NLRC3: variants seen among roughly 807,000 people sequenced by gnomAD.
NLRC3 encodes NLR family CARD domain-containing protein 3.
A neutral mutation model predicts 91.6 loss-of-function variants in NLRC3; 87 were observed. That is an observed-to-expected ratio of 0.95 (90% confidence interval 0.80 to 1.14). NLRC3 has a LOEUF of 1.14. Ranked by LOEUF, NLRC3 falls within the 50% of genes most tolerant of loss-of-function variation. NLRC3 has a pLI of 0.00. For missense variants in NLRC3, 1,577 were observed against 1,418.6 expected (o/e 1.11, Z -1.79); for synonymous variants, 694 against 625.3 (o/e 1.11, Z -1.64).
At chr16:3,545,832 T>G (rs2038664188) in intron 15 of NLRC3, 1 of 151,904 alleles carries the variant, frequency 6.6e-6, no homozygotes, top group African/African-American at 2.4e-5. Context: ...GGAAGCAGAT[T>G]TTAGGGGTCC....
chr16:3,576,126 C>G (rs1183862487), intron 1 of NLRC3, among the ~76,000 whole-genome samples: 1 of 152,178 alleles, frequency 6.6e-6, no homozygotes, highest in African/African-American at 2.4e-5. Flanking sequence ...AGCCTGCAGC[C>G]TGTGATGGCC....
rs1250028177 is a variant in NLRC3 at position 3,543,522 on chromosome 16, G to T, written c.2856-14C>A. On this transcript the variant is annotated splice_polypyrimidine_tract_variant and intron_variant, in intron 16 of 19. Transcript: ENST00000359128. ...GCCACCTGGAGACTGGGGCGGAGAGGGTGCCGTCAGTGTGAGCCGGCTGGG... is the reference window on the plus strand; with the variant it reads ...GCCACCTGGAGACTGGGGCGGAGAGTGTGCCGTCAGTGTGAGCCGGCTGGG... The T allele has an allele frequency of 6.2e-7, 1 of 1,605,184 alleles. No individual in the cohort carries two copies. The highest frequency in any genetic ancestry group is 1.3e-5 in the African/African-American group (1 of 74,890).
chr16:3,561,704 G>C lies in NLRC3; in HGVS notation c.2013C>G (p.Ile671Met). 1 of 1,609,956 alleles carries C rather than the reference G, an allele frequency of 6.2e-7. No homozygotes were observed. Among genetic ancestry groups the C allele is most frequent in the East Asian group, 2.2e-5 (1 of 44,850 alleles). ...GAGGTCCCCTGGGTCTGTGTTACCT[G>C]ATCTTCTGAATGCGACAGTCCTTCC... ...LSGKDCRIQKISLAENQISNK... is the reference protein window; with the variant it reads ...LSGKDCRIQKMSLAENQISNK... Residue 671 changes from isoleucine (I) to methionine (M), a missense_variant and splice_region_variant, in exon 6 of 20, where the codon ATC becomes ATG. Coordinates refer to ENST00000359128, the MANE Select transcript of NLRC3 (RefSeq NM_178844.4).
In NLRC3 at chr16:3,564,331, C is replaced by A; in HGVS notation, c.606G>T (p.Gly202=). 6.2e-7 allele frequency: 1 copy of A among 1,611,654 alleles called. No homozygotes were observed. The highest frequency in any genetic ancestry group is 8.5e-7 in the Non-Finnish European group (1 of 1,179,638). The change falls in exon 5 of 20, where the codon GGG becomes GGT. Residue 202 remains glycine (G), a synonymous_variant. Coordinates refer to ENST00000359128, the MANE Select transcript of NLRC3 (RefSeq NM_178844.4). This position sits in a 1 kb window ranked among gnomAD's most constrained non-coding sequence, Gnocchi z 5.9. ...RLICSVFPHV[G]EPSLAVAVPA... is the part of the protein sequence containing the mutation. ...GGACTGCCACCGCCAGGCTGGGCTC[C>A]CCGACGTGCGGGAAGACCGAGCAGA...
Position 3,544,327 on chromosome 16 carries a change from A to G in NLRC3, c.2774T>C (p.Leu925Ser). The G allele has an allele frequency of 6.2e-7, 1 of 1,611,636 alleles. No individual in the cohort carries two copies. Among genetic ancestry groups the G allele is most frequent in the Non-Finnish European group, 8.5e-7 (1 of 1,177,904 alleles). ...QLNRSLTSLD[L>S]QENAIGDDGA... ...GTCATCCCCGATGGCGTTCTCCTGT[A>G]AACTAGACACAGAGTATGACCCCTT... Residue 925 changes from leucine (L) to serine (S), a missense_variant and splice_region_variant, in exon 16 of 20, where the codon TTA becomes TCA. By Grantham distance (145) the Leu-to-Ser change is moderately radical. Transcript: ENST00000359128.
intron 15 of NLRC3, among the ~76,000 whole-genome samples, chr16:3,547,516 C>T (rs775266129): frequency 6.6e-6 from 1 of 151,992 alleles, no homozygotes; most frequent in Non-Finnish European, 1.5e-5. Flanking sequence ...GAATTGTATA[C>T]TAAGTGGGTG....
At chr16:3,552,347 C>G (rs763030118) in intron 9 of NLRC3, 68 bp from the exon 10 acceptor site, 1 of 1,170,982 alleles carries the variant, frequency 8.5e-7, no homozygotes, top group Non-Finnish European at 1.3e-6. Context: ...AAGGACGGTT[C>G]AGGTTCAAGG....
chr16:3,551,592 C>T (rs1378346857), intron 10 of NLRC3, among the ~76,000 whole-genome samples: 2 of 151,544 alleles, frequency 1.3e-5, no homozygotes, highest in South Asian at 2.1e-4. Context: ...TCCATTCATC[C>T]ACTCATCCAC....
rs199528753 is a variant in NLRC3, at chr16:3,556,318, C to CAAAAAA, written c.2183+587_2183+592dup. Among the ~76,000 whole-genome samples, 6 of 38,782 alleles carry CAAAAAA rather than the reference C, an allele frequency of 1.5e-4. 1 individual carries two copies. The highest frequency in any genetic ancestry group is 2.1e-4 in the Non-Finnish European group (4 of 19,484). The allele number at this position is 38,782 out of a possible 152,430, so 25.4% of individuals were successfully genotyped here. On this transcript the variant is annotated intron_variant, in intron 8 of 19. Transcript: ENST00000359128. Reference sequence around the variant, plus strand: ...TGGGTGACAAAGAAAGAATCCGTCTCAAAAAAAAAAAAAAAAAAAAAAAAA... The same window carrying CAAAAAA: ...TGGGTGACAAAGAAAGAATCCGTCTCAAAAAAAAAAAAAAAAAAAAAAAAAAAAAAA...
At chr16:3,574,073 A>G (rs2040196329) in intron 1 of NLRC3, among the ~76,000 whole-genome samples, 1 of 115,018 alleles carries the variant, frequency 8.7e-6, no homozygotes, top group African/African-American at 3.4e-5. Context: ...CCTAGGCTGG[A>G]GTGTCGTGGC....
At chr16:3,543,181 G>A (rs1331097039) in intron 17 of NLRC3, 1 of 519,080 alleles carries the variant, frequency 1.9e-6, no homozygotes, top group Non-Finnish European at 3.5e-6. Flanking sequence ...AGCCCCCCTG[G>A]GACCCATAAA....
At position 3,564,160 on chromosome 16, in the gene NLRC3, C is replaced by G; in HGVS notation, c.777G>C (p.Pro259=). ...ITNIIRGNLF[P]EVSIWITSRP... ...GGGAGGTGATCCAGATGGAAACTTC[C>G]GGAAAGAGGTTGCCACGGATGATGT... Residue 259 remains proline, a synonymous_variant, in exon 5 of 20, where the codon CCG becomes CCC. Coordinates refer to ENST00000359128, the MANE Select transcript of NLRC3 (RefSeq NM_178844.4). This position sits in a 1 kb window ranked among gnomAD's most constrained non-coding sequence, Gnocchi z 5.9. The G allele has an allele frequency of 3.7e-6, 6 of 1,613,638 alleles. No homozygotes were observed. The highest frequency in any genetic ancestry group is 5.1e-6 in the Non-Finnish European group (6 of 1,179,876).
intron 1 of NLRC3, among the ~76,000 whole-genome samples, chr16:3,576,034 C>T (rs1203738213): frequency 1.3e-5 from 2 of 152,208 alleles, no homozygotes; most frequent in African/African-American, 4.8e-5. Flanking sequence ...ACCCTGCTCA[C>T]TGCATGGACC....
In NLRC3 at chr16:3,550,501, C is replaced by G. The variant is rs1392147072; in HGVS notation, c.2352-4G>C. 2.5e-6 allele frequency: 4 copies of G among 1,607,376 alleles called. No individual in the cohort carries two copies. The highest frequency in any genetic ancestry group is 3.4e-6 in the Non-Finnish European group (4 of 1,174,002). ...ACCAATACTATTACTGGAGAACCTG[C>G]AAGAGAAGGGATATGGATGAGCCAG... On this transcript the variant is annotated splice_polypyrimidine_tract_variant and splice_region_variant and intron_variant, in intron 10 of 19. Transcript: ENST00000359128.
At chr16:3,541,974 GC>G in intron 19 of NLRC3, 59 bp from the exon 20 acceptor site, 2 of 1,030,334 alleles carry the variant, frequency 1.9e-6, no homozygotes, top group Non-Finnish European at 3.0e-6. Flanking sequence ...AGTAGAGCAG[GC>G]CATACAATAG....
At chr16:3,546,740 G>A (rs371638594) in intron 15 of NLRC3, among the ~76,000 whole-genome samples, 66 of 152,204 alleles carry the variant, frequency 4.3e-4, no homozygotes, top group African/African-American at 1.5e-3. Flanking sequence ...GTGTGGACGC[G>A]CAGGTCTAGG....
chr16:3,541,127 C>T lies in NLRC3; in HGVS notation c.*698G>A, dbSNP rs1380776414. 1 of 152,216 alleles carries T rather than the reference C, an allele frequency of 6.6e-6. No homozygotes were observed. Among genetic ancestry groups the T allele is most frequent in the Non-Finnish European group, 1.5e-5 (1 of 68,076 alleles). 9.4% of individuals were successfully genotyped at this position (152,216 alleles called of 1,614,324 possible). Reference sequence around the variant, plus strand: ...GGCTGAGGCAGGAGAATCACATGAACCCGGGAGGCGGAGGTTGCAGGGAGC... The same window carrying T: ...GGCTGAGGCAGGAGAATCACATGAATCCGGGAGGCGGAGGTTGCAGGGAGC... On this transcript the variant is annotated 3_prime_UTR_variant, in exon 20 of 20. Transcript: ENST00000359128.
chr16:3,549,266 T>C, intron 12 of NLRC3, 41 bp from the exon 13 acceptor site: 1 of 1,446,180 alleles, frequency 6.9e-7, no homozygotes, highest in Non-Finnish European at 9.5e-7. Context: ...ACCGGGCAGA[T>C]GAGGTGTCTG....
In NLRC3 at chr16:3,540,689, A is replaced by C. The variant is rs886871242; in HGVS notation, c.*1136T>G. 4.6e-5 allele frequency: 7 copies of C among 152,154 alleles called. No homozygotes were observed. Among genetic ancestry groups the C allele is most frequent in the Admixed American group, 3.3e-4 (5 of 15,260 alleles). The allele number at this position is 152,154 out of a possible 1,614,324, so 9.4% of individuals were successfully genotyped here. ...GTGGTGGTGCGTGCCTGTAGACCCA[A>C]CTACTTGGGAGGCCGAGGCAGGAGA... On this transcript the variant is annotated 3_prime_UTR_variant, in exon 20 of 20. Transcript: ENST00000359128.
Sources: gnomAD v4.1 joint callset for allele counts (sites outside exome capture counted in the v4.1 genomes callset) on GRCh38, gnomAD v4.1.1 for gene constraint, Gnocchi (gnomAD v3.1) non-coding constraint, MANE v1.5 for transcripts, NCBI Gene and HGNC (gene_info 2026-07-23, HGNC 2026-07-21) for gene names.